SYTL5: variants seen among roughly 807,000 people sequenced by gnomAD.
SYTL5 encodes the protein synaptotagmin-like protein 5.
SYTL5 carries 34 observed loss-of-function variants against 55.9 expected under a neutral mutation model. The ratio of observed to expected loss-of-function variants is 0.61; its 90% CI spans 0.46 to 0.81. The LOEUF (loss-of-function observed/expected upper bound fraction) is 0.81, where lower values mean the gene tolerates loss of function less well. Ranked by LOEUF, SYTL5 falls within the 30% of genes least tolerant of loss-of-function variation. SYTL5 has a pLI of 0.00. For synonymous variants in SYTL5, 221 were observed against 188.7 expected (o/e 1.17, Z -1.40); for missense variants, 637 against 546.7 (o/e 1.17, Z -1.65).
At chrX:37,994,676 C>T in the SYTL5 span, 1 of 104,927 alleles carries the variant, frequency 9.5e-6, no homozygotes. Flanking sequence ...AAGAAATGCC[C>T]CAATCTGAGG....
At chrX:38,089,720 A>G (rs745659649) in intron 7 of SYTL5, 133 bp downstream of exon 7, 30 of 701,756 alleles carry the variant, frequency 4.3e-5, no homozygotes, top group Non-Finnish European at 5.9e-5. Context: ...CAGAGACCTC[A>G]GGAAACTTAC....
intron 12 of SYTL5, 85 bp downstream of exon 12, chrX:38,108,784 T>C: frequency 1.7e-6 from 1 of 593,631 alleles, no homozygotes; most frequent in Non-Finnish European, 2.7e-6. Context: ...AATATTTTAT[T>C]TGTGTGTCAA....
intron 6 of SYTL5, among the ~76,000 whole-genome samples, chrX:38,080,195 A>T (rs1428493157): frequency 9.0e-6 from 1 of 111,329 alleles, no homozygotes; most frequent in Non-Finnish European, 1.9e-5. Flanking sequence ...CACAGCTGGT[A>T]AAAGGAATCT....
chrX:38,051,284 A>C (rs1935616671), intron 2 of SYTL5, among the ~76,000 whole-genome samples: 1 of 111,296 alleles, frequency 9.0e-6, no homozygotes, highest in South Asian at 3.9e-4. Flanking sequence ...TATAAAGGAA[A>C]ACTACTGGTT....
At chrX:37,906,603 G>C in the SYTL5 span, 1 of 111,933 alleles carries the variant, frequency 8.9e-6, no homozygotes, top group Non-Finnish European at 1.9e-5. Flanking sequence ...ACATGCCAGC[G>C]CTTAAGGTAA....
chrX:38,042,296 G>A (rs1418319255), intron 2 of SYTL5, among the ~76,000 whole-genome samples: 1 of 110,052 alleles, frequency 9.1e-6, no homozygotes, highest in Non-Finnish European at 1.9e-5. Flanking sequence ...CAGGGCCCGG[G>A]TGTATACCAA....
At chrX:38,024,528 T>G (rs1934686569) in intron 1 of SYTL5, among the ~76,000 whole-genome samples, 1 of 111,422 alleles carries the variant, frequency 9.0e-6, no homozygotes, top group Non-Finnish European at 1.9e-5. Flanking sequence ...TAACATCTCA[T>G]GGGATACTGT....
At chrX:37,994,167 G>A in the SYTL5 span, among the ~76,000 whole-genome samples, 1 of 112,152 alleles carries the variant, frequency 8.9e-6, no homozygotes, top group Non-Finnish European at 1.9e-5. Flanking sequence ...CCTGATCAGA[G>A]CCCAGTGGAC....
At chrX:37,910,520 T>C in the SYTL5 span, among the ~76,000 whole-genome samples, 3 of 112,030 alleles carry the variant, frequency 2.7e-5, no homozygotes, top group African/African-American at 9.7e-5. Context: ...TTCTCAAACT[T>C]TAATGTGCGC....
At chrX:37,953,474 A>G in the SYTL5 span, among the ~76,000 whole-genome samples, 1 of 111,614 alleles carries the variant, frequency 9.0e-6, no homozygotes, top group African/African-American at 3.2e-5. Context: ...TTTGAGTATG[A>G]CTAAAGTTAG....
chrX:38,089,279 T>C (rs1019897881), intron 6 of SYTL5, among the ~76,000 whole-genome samples, 167 bp from the exon 7 acceptor site: 9 of 111,939 alleles, frequency 8.0e-5, no homozygotes, highest in African/African-American at 1.3e-4. Context: ...CTCAGGGCCT[T>C]TGAGGAGGAA....
chrX:38,066,373 T>A (rs1373477220), intron 3 of SYTL5, among the ~76,000 whole-genome samples: 1 of 111,541 alleles, frequency 9.0e-6, no homozygotes, highest in Admixed American at 9.5e-5. Context: ...GCTTGAAAAG[T>A]CCCAGAGGTT....
chrX:38,096,845 T>C (rs1287679901), intron 9 of SYTL5, among the ~76,000 whole-genome samples: 1 of 111,368 alleles, frequency 9.0e-6, no homozygotes, highest in Non-Finnish European at 1.9e-5. Flanking sequence ...CTTAGAGTTC[T>C]AAAATGAAAT....
chrX:38,050,213 G>C (rs1462868230), intron 2 of SYTL5, among the ~76,000 whole-genome samples: 4 of 112,184 alleles, frequency 3.6e-5, no homozygotes, highest in African/African-American at 1.3e-4. Flanking sequence ...GTGTAAAATG[G>C]TGTTCAGTAC....
At chrX:38,076,757 C>T (rs1936399740) in intron 6 of SYTL5, 56 bp downstream of exon 6, 5 of 1,116,457 alleles carry the variant, frequency 4.5e-6, no homozygotes, top group East Asian at 6.1e-5. Flanking sequence ...TTGATATATT[C>T]CCATTCATAG....
At chrX:38,004,972 A>T (rs1028447952), upstream of SYTL5, among the ~76,000 whole-genome samples, 1 of 111,666 alleles carries the variant, frequency 9.0e-6, no homozygotes, top group Non-Finnish European at 1.9e-5. Flanking sequence ...GAGGCTATGG[A>T]TACCCCATTT....
chrX:38,081,058 G>A (rs1334117921), intron 6 of SYTL5, among the ~76,000 whole-genome samples: 2 of 112,374 alleles, frequency 1.8e-5, no homozygotes, highest in East Asian at 5.6e-4. Context: ...ATTCTATAAT[G>A]ATCGTTCGGT....
chrX:37,952,643 T>A, the SYTL5 span, among the ~76,000 whole-genome samples: 1 of 110,703 alleles, frequency 9.0e-6, no homozygotes, highest in East Asian at 2.8e-4. Context: ...GGATGAAGAA[T>A]TTGGGCCAAT....
chrX:38,039,901 C>A (rs1935229585), intron 2 of SYTL5, among the ~76,000 whole-genome samples: 1 of 111,351 alleles, frequency 9.0e-6, no homozygotes, highest in African/African-American at 3.3e-5. Context: ...TTAGGCCAGG[C>A]GTGGTGGCTC....
Sources: allele counts gnomAD v4.1 joint callset (sites outside exome capture counted in the v4.1 genomes callset), GRCh38; gene constraint gnomAD v4.1.1; transcripts MANE v1.5; gene names NCBI Gene and HGNC (gene_info 2026-07-23, HGNC 2026-07-21).